The following SPECC1 variants were observed in gnomAD, a reference collection of about 807,000 sequenced individuals.
The protein encoded by SPECC1 is cytospin-B.
A neutral mutation model predicts 104.1 loss-of-function variants in SPECC1; 62 were observed. The observed-to-expected ratio is 0.60, with a 90% CI of 0.49 to 0.74. SPECC1 has a LOEUF of 0.74. SPECC1 is among the 30% of genes least tolerant of loss of function. The pLI, the probability that SPECC1 is intolerant of heterozygous loss-of-function variation, is 0.00. For missense variants in SPECC1, 1,306 were observed against 1,310.5 expected (o/e 1.00, Z 0.05); for synonymous variants, 513 against 501.6 (o/e 1.02, Z -0.30).
intron 1 of SPECC1, among the ~76,000 whole-genome samples, chr17:20,078,100 A>T (rs151024875): frequency 1.3e-5 from 2 of 150,544 alleles, no homozygotes; most frequent in East Asian, 4.0e-4. Context: ...ATAAAAAGAC[A>T]TATGTATTTT....
intron 4 of SPECC1, among the ~76,000 whole-genome samples, chr17:20,221,160 T>C (rs1216555356): frequency 6.6e-6 from 1 of 152,210 alleles, no homozygotes; most frequent in African/African-American, 2.4e-5. Context: ...GGTTTTGTTA[T>C]CAGGATAATA....
intron 1 of SPECC1, among the ~76,000 whole-genome samples, chr17:20,095,128 C>G (rs1448090652): frequency 1.3e-5 from 2 of 152,150 alleles, no homozygotes; most frequent in Non-Finnish European, 2.9e-5. Flanking sequence ...GTATAGGTCT[C>G]AACCTATGCA....
At position 20,285,758 on chromosome 17, in the gene SPECC1, C is replaced by A. The variant is rs548696365; in HGVS notation, c.2941-11203C>A. Among the ~76,000 whole-genome samples, 461 of 151,800 alleles carry A rather than the reference C, an allele frequency of 3.0e-3. 2 individuals are homozygous for A. Among genetic ancestry groups the A allele is most frequent in the Non-Finnish European group, 5.0e-3 (337 of 67,908 alleles). On this transcript the variant is annotated intron_variant, in intron 12 of 14. Coordinates refer to ENST00000395527, the MANE Select transcript of SPECC1 (RefSeq NM_001243439.2). ...CTCCTTGTTTCCTTCTTCCCTCCCC[C>A]TCCCTGTCCTCCCTCCTTCTCTCTC...
rs1212554632 is a variant in SPECC1, at chr17:20,009,414, C to T, written c.-32C>T. On this transcript the variant is annotated 5_prime_UTR_variant, in exon 1 of 15. Transcript: ENST00000395527. This position sits in a 1 kb window ranked among gnomAD's most constrained non-coding sequence, Gnocchi z 5.2. ...GCTGGGGGTTGCGGCGGCGCTGAGC[C>T]AGCGGGGCCGGTGAGTACTAGCCGC... 2.0e-5 allele frequency: 3 copies of T among 152,106 alleles called. No homozygotes were observed. The highest frequency in any genetic ancestry group is 1.5e-5 in the Non-Finnish European group (1 of 68,044). 9.4% of individuals were successfully genotyped at this position (152,106 alleles called of 1,614,324 possible).
At position 20,204,463 on chromosome 17, in the gene SPECC1, C is replaced by T. The variant is rs765874737; in HGVS notation, c.414C>T (p.Ser138=). ...PRKSVSSPTS[S]NTPTPTKHLR... is the part of the protein sequence containing the mutation. ...AATCAGTGTCCAGTCCAACTTCTTCCAACACTCCCACTCCTACGAAACACC... is the reference window on the plus strand; with the variant it reads ...AATCAGTGTCCAGTCCAACTTCTTCTAACACTCCCACTCCTACGAAACACC... Residue 138 remains serine (S), a synonymous_variant, in exon 4 of 15, where the codon TCC becomes TCT. Coordinates refer to ENST00000395527, the MANE Select transcript of SPECC1 (RefSeq NM_001243439.2). 47 of 1,613,976 alleles carry T rather than the reference C, an allele frequency of 2.9e-5. No homozygotes were observed. The Admixed American group carries it at 3.2e-4, about 11-fold the overall frequency.
At chr17:20,030,317 A>G (rs1001748661) in intron 1 of SPECC1, among the ~76,000 whole-genome samples, 1 of 152,100 alleles carries the variant, frequency 6.6e-6, no homozygotes, top group African/African-American at 2.4e-5. Context: ...TGTTATTCCT[A>G]TGTAGTTCTA....
In SPECC1 at chr17:20,108,847, G is replaced by T. The variant is rs141825905; in HGVS notation, c.148-1580G>T. Among the ~76,000 whole-genome samples, 144 of 152,294 alleles carry T rather than the reference G, an allele frequency of 9.5e-4. 1 individual carries two copies. In the South Asian group the frequency reaches 0.027, roughly 29 times the overall value. ...ATTGCTGAGTCACAGGGAACTGTGC[G>T]TGCTCACTTAGGAGTCTCCCTTCTT... On this transcript the variant is annotated intron_variant, in intron 2 of 14. Coordinates refer to ENST00000395527, the MANE Select transcript of SPECC1 (RefSeq NM_001243439.2).
At chr17:20,268,904 A>G (rs1481044498) in intron 12 of SPECC1, among the ~76,000 whole-genome samples, 1 of 152,178 alleles carries the variant, frequency 6.6e-6, no homozygotes, top group Non-Finnish European at 1.5e-5. Context: ...GCCCAGAGGT[A>G]TGAAACTTCA....
At chr17:20,075,861 C>T (rs150709710) in intron 1 of SPECC1, among the ~76,000 whole-genome samples, 1 of 152,226 alleles carries the variant, frequency 6.6e-6, no homozygotes, top group East Asian at 1.9e-4. Flanking sequence ...GTAAGAAGAT[C>T]GCTTGAAATC....
chr17:20,078,429 T>C (rs2046845265), intron 1 of SPECC1, among the ~76,000 whole-genome samples: 2 of 152,134 alleles, frequency 1.3e-5, no homozygotes, highest in East Asian at 1.9e-4. Flanking sequence ...AAACATGCAA[T>C]GTTCAACCTC....
intron 12 of SPECC1, among the ~76,000 whole-genome samples, chr17:20,293,351 CT>C (rs2041236055): frequency 1.3e-5 from 2 of 152,146 alleles, no homozygotes; most frequent in African/African-American, 4.8e-5. Context: ...TCCATCAAAC[CT>C]CCTTCTCTTA....
At chr17:20,126,958 G>C (rs114369275) in intron 3 of SPECC1, among the ~76,000 whole-genome samples, 217 of 152,314 alleles carry the variant, frequency 1.4e-3, no homozygotes, top group African/African-American at 4.6e-3. Context: ...GGAAATTAAA[G>C]TATGTGTGTA....
At chr17:20,156,154 G>C in intron 3 of SPECC1, 4 of 1,432,948 alleles carry the variant, frequency 2.8e-6, no homozygotes, top group Non-Finnish European at 3.7e-6. Context: ...GTGGACACCC[G>C]GTCCGAGGCC....
rs2042065608 is a variant in SPECC1, at chr17:20,318,366, T to C, written c.*4301T>C. The C allele has an allele frequency of 5.2e-5, 12 of 231,284 alleles. No homozygotes were observed. The East Asian group carries it at 6.7e-4, about 13-fold the overall frequency. 14.3% of individuals were successfully genotyped at this position (231,284 alleles called of 1,614,324 possible). On this transcript the variant is annotated 3_prime_UTR_variant, in exon 15 of 15. Coordinates refer to ENST00000395527, the MANE Select transcript of SPECC1 (RefSeq NM_001243439.2). ...CTTCTCATTTCAAAAATATTAGTCT[T>C]TTATTTTCCTTTTTCATTCAGTTTT...
At chr17:20,156,260 C>CGCCGCA in intron 3 of SPECC1, 1 of 1,327,868 alleles carries the variant, frequency 7.5e-7, no homozygotes, top group Non-Finnish European at 9.6e-7. Flanking sequence ...GCGGGGGTCG[C>CGCCGCA]GCCGCAGCCG....
chr17:20,247,259 A>T lies in SPECC1; in HGVS notation c.2538A>T (p.Arg846Ser), dbSNP rs749513496. Residue 846 changes from arginine to serine, a missense_variant, in exon 9 of 15, where the codon AGA becomes AGT. By Grantham distance (110) the Arg-to-Ser change is moderately radical. Around this residue, in one of 2 missense-constraint regions of SPECC1, gnomAD observed 1,177 missense variants for 1,139.9 expected, o/e 1.03. Transcript: ENST00000395527. ...GQNISVHKTP[R>S]SPLSGIPVRT... ...ATATTTCTGTCCATAAGACCCCCAG[A>T]AGTCCCCTAAGTGGGATACCAGTGA... 1 of 1,613,716 alleles carries T rather than the reference A, an allele frequency of 6.2e-7. No homozygotes were observed. The highest frequency in any genetic ancestry group is 8.5e-7 in the Non-Finnish European group (1 of 1,179,830).
intron 2 of SPECC1, among the ~76,000 whole-genome samples, chr17:20,104,761 A>AG (rs1567845688): frequency 4.0e-5 from 6 of 149,896 alleles, no homozygotes; most frequent in African/African-American, 1.2e-4. Flanking sequence ...AAAAAAAAAA[A>AG]AAAAAGAAAA....
chr17:20,313,595 C>A (rs771887298), intron 14 of SPECC1, among the ~76,000 whole-genome samples: 36 of 152,178 alleles, frequency 2.4e-4, no homozygotes, highest in Non-Finnish European at 4.7e-4. Flanking sequence ...CACGTAATAG[C>A]GCGTGCAGTG....
intron 12 of SPECC1, among the ~76,000 whole-genome samples, chr17:20,294,181 C>T (rs1466784837): frequency 6.6e-6 from 1 of 152,178 alleles, no homozygotes; most frequent in East Asian, 1.9e-4. Flanking sequence ...GGGGTTTAAC[C>T]ATGTTGGCTA....
Sources: gnomAD v4.1 joint callset for allele counts (sites outside exome capture counted in the v4.1 genomes callset) on GRCh38, gnomAD v4.1.1 for gene constraint, gnomAD v4.1.1 regional missense constraint, Gnocchi (gnomAD v3.1) non-coding constraint, MANE v1.5 for transcripts, NCBI Gene and HGNC (gene_info 2026-07-23, HGNC 2026-07-21) for gene names.